NUDT12: variants seen among roughly 807,000 people sequenced by gnomAD.
NUDT12 encodes the protein NAD-capped RNA hydrolase NUDT12.
A neutral mutation model predicts 45.7 loss-of-function variants in NUDT12; 42 were observed. The ratio of observed to expected loss-of-function variants is 0.92; its 90% CI spans 0.72 to 1.19. The LOEUF (loss-of-function observed/expected upper bound fraction) is 1.19, where lower values mean the gene tolerates loss of function less well. Among genes scored for constraint, NUDT12 ranks in the 50% most tolerant of loss-of-function variants. NUDT12 has a pLI of 0.00. For missense variants in NUDT12, 590 were observed against 533.1 expected (o/e 1.11, Z -1.05); for synonymous variants, 206 against 179.7 (o/e 1.15, Z -1.17).
intron 3 of NUDT12, among the ~76,000 whole-genome samples, chr5:103,558,623 T>C (rs1748908954): frequency 6.6e-6 from 1 of 152,132 alleles, no homozygotes; most frequent in African/African-American, 2.4e-5. Flanking sequence ...GAACTAAGAA[T>C]TATTCAATGA....
chr5:103,559,840 G>T (rs1748974662), intron 2 of NUDT12: 2 of 556,242 alleles, frequency 3.6e-6, no homozygotes, highest in African/African-American at 1.9e-5. Context: ...AATTTGCTTT[G>T]CTATAAAGAA....
Position 103,559,143 on chromosome 5 carries a change from G to A in NUDT12, c.532C>T (p.Gln178Ter). 1 of 1,575,334 alleles carries A rather than the reference G, an allele frequency of 6.3e-7. No individual in the cohort carries two copies. Among genetic ancestry groups the A allele is most frequent in the Non-Finnish European group, 8.6e-7 (1 of 1,163,394 alleles). Reference sequence around the variant, plus strand: ...TCCTTTATATCTGTGTAGTTCAGCTGACAAAGCCTAACTTCTGGCTGTTGG... The same window carrying A: ...TCCTTTATATCTGTGTAGTTCAGCTAACAAAGCCTAACTTCTGGCTGTTGG... ...SFQQPEVRLCQLNYTDIKDYL... is the reference protein window; with the variant it reads ...SFQQPEVRLC The change falls in exon 3 of 7, where the codon CAG becomes TAG. Residue 178 changes from glutamine (Q) to a stop codon, truncating the protein, a stop_gained. Coordinates refer to ENST00000230792, the MANE Select transcript of NUDT12 (RefSeq NM_031438.4). LOFTEE classifies it high-confidence loss of function.
intron 4 of NUDT12, 140 bp downstream of exon 4, chr5:103,555,791 G>T: frequency 2.0e-6 from 1 of 503,802 alleles, no homozygotes; most frequent in Non-Finnish European, 3.3e-6. Flanking sequence ...ATGAAAGTGT[G>T]TAACACTTTA....
At position 103,559,290 on chromosome 5, in the gene NUDT12, T is replaced by C. The variant is rs35903418; in HGVS notation, c.385A>G (p.Lys129Glu). 1,083 of 1,606,988 alleles carry C rather than the reference T, an allele frequency of 6.7e-4. 11 individuals carry two copies. The African/African-American group carries it at 0.013, about 19-fold the overall frequency. Reference protein sequence around the residue: ...NYFSKTLLDRKSEKRNNSDWL... With the variant: ...NYFSKTLLDRESEKRNNSDWL... ...TCAGAATTATTTCTCTTTTCACTTT[T>C]CCGGTCCAGTAGTGTTTTGCTAAAA... Residue 129 changes from lysine (K) to glutamate (E), a missense_variant, in exon 3 of 7, where the codon AAA (lysine) becomes GAA (glutamate). Coordinates refer to ENST00000230792, the MANE Select transcript of NUDT12 (RefSeq NM_031438.4).
At chr5:103,558,831 A>C (rs770813786) in intron 3 of NUDT12, 48 bp downstream of exon 3, 1 of 1,335,126 alleles carries the variant, frequency 7.5e-7, no homozygotes. Context: ...CTCCAACTCA[A>C]GTCTAAAAAC....
chr5:103,550,820 T>G lies in NUDT12; in HGVS notation c.*41A>C. 7.3e-7 allele frequency: 1 copy of G among 1,361,842 alleles called. No individual in the cohort carries two copies. The highest frequency in any genetic ancestry group is 1.4e-5 in the African/African-American group (1 of 69,906). The allele number at this position is 1,361,842 out of a possible 1,614,324, so 84.4% of individuals were successfully genotyped here. A position where few individuals can be genotyped will look rare whatever the true frequency, so the allele number is the denominator to read the frequency against. On this transcript the variant is annotated 3_prime_UTR_variant, in exon 7 of 7. Transcript: ENST00000230792. The stretch of plus-strand genomic sequence containing the variant: ...AATATCACTTGAGGAATGAGTGTTA[T>G]TAGAAATTATTAAATAATACTCAAA...
chr5:103,551,343 G>A (rs1748649057), intron 6 of NUDT12, among the ~76,000 whole-genome samples: 1 of 151,996 alleles, frequency 6.6e-6, no homozygotes, highest in Admixed American at 6.6e-5. Flanking sequence ...CAAACTCCTG[G>A]GCTCAATCAA....
chr5:103,560,131 TGAGAA>T lies in NUDT12; in HGVS notation c.113_117del (p.Leu38GlnfsTer2). On this transcript the variant is annotated frameshift_variant, in exon 2 of 7. Coordinates refer to ENST00000230792, the MANE Select transcript of NUDT12 (RefSeq NM_031438.4). LOFTEE classifies it high-confidence loss of function. ...GTCCAGCCATTTTCAGAAGTTTCAT[TGAGAA>T]GAGATGGAGAATGACTGAGTATTCC... The T allele has an allele frequency of 1.2e-6, 2 of 1,613,110 alleles. No individual in the cohort carries two copies. Among genetic ancestry groups the T allele is most frequent in the Non-Finnish European group, 1.7e-6 (2 of 1,179,082 alleles).
chr5:103,554,012 A>G (rs1204170593), intron 5 of NUDT12, among the ~76,000 whole-genome samples: 1 of 152,042 alleles, frequency 6.6e-6, no homozygotes, highest in African/African-American at 2.4e-5. Flanking sequence ...ATAGCCTGAT[A>G]CTGTTTTATA....
At chr5:103,562,189 T>C (rs1038884203) in intron 1 of NUDT12, among the ~76,000 whole-genome samples, 4 of 152,130 alleles carry the variant, frequency 2.6e-5, no homozygotes, top group African/African-American at 9.7e-5. Flanking sequence ...ACATCCACTT[T>C]TACTGACATG....
chr5:103,558,236 A>C (rs1748894761), intron 3 of NUDT12, among the ~76,000 whole-genome samples: 1 of 152,014 alleles, frequency 6.6e-6, no homozygotes, highest in South Asian at 2.1e-4. Flanking sequence ...CTCACTTATA[A>C]GGGTCTCAAC....
intron 3 of NUDT12, 116 bp from the exon 4 acceptor site, chr5:103,556,214 T>G: frequency 3.2e-6 from 2 of 630,254 alleles, no homozygotes; most frequent in Non-Finnish European, 2.4e-6. Context: ...GGTTTTAGTA[T>G]TTCTATTTTT....
chr5:103,555,830 C>G, intron 4 of NUDT12, 101 bp downstream of exon 4: 2 of 780,300 alleles, frequency 2.6e-6, no homozygotes, highest in Admixed American at 6.2e-5. Flanking sequence ...GACATGTTTT[C>G]CATAAAAAGG....
At position 103,558,956 on chromosome 5, in the gene NUDT12, A is replaced by C; in HGVS notation, c.719T>G (p.Phe240Cys). 6.2e-7 allele frequency: 1 copy of C among 1,612,426 alleles called. No homozygotes were observed. Among genetic ancestry groups the C allele is most frequent in the South Asian group, 1.1e-5 (1 of 90,658 alleles). The change falls in exon 3 of 7, where the codon TTC becomes TGC. Residue 240 changes from phenylalanine (F) to cysteine (C), a missense_variant. Physicochemically the swap from Phe to Cys is radical, Grantham distance 205. Coordinates refer to ENST00000230792, the MANE Select transcript of NUDT12 (RefSeq NM_031438.4). ...GTAACAATTTTCATGTCTTTGCTTG[A>C]ATTCTTCAGCAGCAATAGGATCTAT... The part of the protein sequence containing the change: ...LGIDPIAAEE[F>C]KQRHENCYFL...
rs1335919333 is a variant in NUDT12 at position 103,549,392 on chromosome 5, T to C, written c.*1469A>G. The C allele has an allele frequency of 6.6e-6, 1 of 151,970 alleles. No homozygotes were observed. The highest frequency in any genetic ancestry group is 1.5e-5 in the Non-Finnish European group (1 of 67,886). The allele number at this position is 151,970 out of a possible 1,614,324, so 9.4% of individuals were successfully genotyped here. A position where few individuals can be genotyped will look rare whatever the true frequency, so the allele number is the denominator to read the frequency against. On this transcript the variant is annotated 3_prime_UTR_variant, in exon 7 of 7. Coordinates refer to ENST00000230792, the MANE Select transcript of NUDT12 (RefSeq NM_031438.4). ...AGTTTTATCTGACAGTTATCTTTTA[T>C]TTAAGTTAAATAAATGTTAAGTATC...
chr5:103,553,900 A>C (rs554964482), intron 5 of NUDT12, among the ~76,000 whole-genome samples: 1 of 152,110 alleles, frequency 6.6e-6, no homozygotes, highest in Admixed American at 6.6e-5. Context: ...ATCTTGAGCA[A>C]ATTATTTAGT....
At chr5:103,552,776 T>C (rs1748698116) in intron 5 of NUDT12, among the ~76,000 whole-genome samples, 1 of 152,144 alleles carries the variant, frequency 6.6e-6, no homozygotes, top group African/African-American at 2.4e-5. Context: ...TAGTTATAAA[T>C]TACATGATTT....
Position 103,559,456 on chromosome 5 carries a change from TGATCTGTCACACCTATA to T in NUDT12, c.207-5_218del. ...CAGTCTGCCTTGATTTATTGACAAT[TGATCTGTCACACCTATA>T]GATGGAAGAAAAAATTGGGGAGAAA... On this transcript the variant is annotated splice_acceptor_variant and splice_polypyrimidine_tract_variant and coding_sequence_variant and intron_variant, in exon 3 of 7. Coordinates refer to ENST00000230792, the MANE Select transcript of NUDT12 (RefSeq NM_031438.4). LOFTEE classifies it high-confidence loss of function. 1 of 1,521,100 alleles carries T rather than the reference TGATCTGTCACACCTATA, an allele frequency of 6.6e-7. No individual in the cohort carries two copies. Among genetic ancestry groups the T allele is most frequent in the East Asian group, 2.4e-5 (1 of 41,844 alleles). 94.2% of individuals were successfully genotyped at this position (1,521,100 alleles called of 1,614,324 possible).
intron 1 of NUDT12, among the ~76,000 whole-genome samples, 170 bp downstream of exon 1, chr5:103,562,533 G>A (rs1191064789): frequency 6.6e-6 from 1 of 151,968 alleles, no homozygotes; most frequent in African/African-American, 2.4e-5. Context: ...GGGAGCCCCT[G>A]CAAATGCGTC....
Sources: gnomAD v4.1 joint callset for allele counts (sites outside exome capture counted in the v4.1 genomes callset) on GRCh38, gnomAD v4.1.1 for gene constraint, MANE v1.5 for transcripts, NCBI Gene and HGNC (gene_info 2026-07-23, HGNC 2026-07-21) for gene names.